The following E2F8 variants were observed in gnomAD, a reference collection of about 807,000 sequenced individuals.
E2F8 encodes the protein transcription factor E2F8.
Under a neutral mutation model 80.8 loss-of-function variants are expected in E2F8, and 35 were observed. That is an observed-to-expected ratio of 0.43 (90% CI 0.33 to 0.57). E2F8 has a LOEUF of 0.57. E2F8 is among the 20% of genes least tolerant of loss of function. The probability of loss-of-function intolerance (pLI) is 0.04; values close to 1 mark genes in which losing one functional copy is unlikely to be tolerated. For synonymous variants in E2F8, 386 were observed against 395.0 expected, an observed-to-expected ratio of 0.98 and a Z score of 0.27; for missense variants, 975 against 1,056.2, an observed-to-expected ratio of 0.92 and a Z score of 1.07.
chr11:19,235,097 A>G (rs1001936016), intron 4 of E2F8, 39 bp from the exon 5 acceptor site: 1 of 1,535,740 alleles, frequency 6.5e-7, no homozygotes, highest in Non-Finnish European at 8.8e-7. Context: ...AGATTTTTGT[A>G]ACGTGTTTAG....
At chr11:19,236,654 C>A (rs1405306216) in intron 4 of E2F8, among the ~76,000 whole-genome samples, 4 of 152,182 alleles carry the variant, frequency 2.6e-5, no homozygotes, top group African/African-American at 9.7e-5. Flanking sequence ...ATTAGAAGGG[C>A]AACTTTTCTT....
chr11:19,229,844 G>A lies in E2F8; in HGVS notation c.1503C>T (p.Pro501=). ...IQPLGMVPLI[P]SPLSSAVPLI... ...GGGGCACTGCTGATGACAAGGGGCT[G>A]GGGATCAGGGGAACCATTCCCAGGG... Residue 501 remains proline, a synonymous_variant, in exon 10 of 13, where the codon CCC becomes CCT. Coordinates refer to ENST00000250024, the MANE Select transcript of E2F8 (RefSeq NM_024680.4). The surrounding 1 kb of genome is among the most constrained non-coding windows in gnomAD (Gnocchi z 4.3). The A allele has an allele frequency of 1.9e-6, 3 of 1,613,986 alleles. No homozygotes were observed. The highest frequency in any genetic ancestry group is 2.2e-5 in the East Asian group (1 of 44,878).
At chr11:19,237,239 C>T (rs374507399) in intron 4 of E2F8, 75 bp downstream of exon 4, 19 of 1,391,264 alleles carry the variant, frequency 1.4e-5, no homozygotes, top group South Asian at 8.4e-5. Context: ...GCTAGATGAG[C>T]GGGGGTCTGA....
rs1554970934 is a variant in E2F8, at chr11:19,224,497, GTA to G, written c.*159_*160del. On this transcript the variant is annotated 3_prime_UTR_variant, in exon 13 of 13. Transcript: ENST00000250024. The stretch of plus-strand genomic sequence containing the variant: ...TGTGTGTGTGTGTGTGTGTGTGTGT[GTA>G]TATATATATATGTATGAAAACAACT... 274 of 398,904 alleles carry G rather than the reference GTA, an allele frequency of 6.9e-4. No homozygotes were observed. Among genetic ancestry groups the G allele is most frequent in the Middle Eastern group, 1.4e-3 (2 of 1,466 alleles). The allele number at this position is 398,904 out of a possible 1,614,324, so 24.7% of individuals were successfully genotyped here.
intron 12 of E2F8, 98 bp from the exon 13 acceptor site, chr11:19,224,938 A>G: frequency 2.2e-6 from 3 of 1,393,736 alleles, no homozygotes; most frequent in Non-Finnish European, 1.9e-6. Context: ...TGTATTGCAC[A>G]TTGGGAAACT....
intron 6 of E2F8, among the ~76,000 whole-genome samples, chr11:19,232,860 C>T (rs1851416983): frequency 6.6e-6 from 1 of 152,180 alleles, no homozygotes; most frequent in Non-Finnish European, 1.5e-5. Context: ...TTAATACTGT[C>T]TATGTAACAT....
chr11:19,225,136 A>G (rs1251340644), intron 12 of E2F8, 85 bp downstream of exon 12: 11 of 1,514,774 alleles, frequency 7.3e-6, no homozygotes, highest in Non-Finnish European at 8.8e-6. Flanking sequence ...TCCAAAGAGG[A>G]AAAGCAAAAG....
intron 10 of E2F8, among the ~76,000 whole-genome samples, chr11:19,227,874 G>A (rs1009767039): frequency 6.6e-5 from 10 of 152,212 alleles, no homozygotes; most frequent in African/African-American, 2.4e-4. Flanking sequence ...GACTGCTTGA[G>A]CTCAGGAGTT....
intron 4 of E2F8, 146 bp from the exon 5 acceptor site, chr11:19,235,204 G>T: frequency 1.3e-6 from 1 of 757,716 alleles, no homozygotes; most frequent in Non-Finnish European, 2.1e-6. Context: ...CAAATACTGT[G>T]AAGGTGAGAA....
intron 6 of E2F8, among the ~76,000 whole-genome samples, chr11:19,232,598 C>T (rs1271458951): frequency 6.6e-6 from 1 of 151,658 alleles, no homozygotes; most frequent in East Asian, 2.0e-4. Flanking sequence ...GTTGAAATGA[C>T]AATAGCATAC....
In E2F8 at chr11:19,227,239, C is replaced by T. The variant is rs114793039; in HGVS notation, c.1894-1375G>A. Among the ~76,000 whole-genome samples the T allele has an allele frequency of 3.5e-3, 537 of 152,254 alleles. 1 individual carries two copies. The highest frequency in any genetic ancestry group is 0.012 in the African/African-American group (515 of 41,530). On this transcript the variant is annotated intron_variant, in intron 10 of 12. Transcript: ENST00000250024. Reference sequence around the variant, plus strand: ...AATCCACAAAGCTAAAAGTATACTACAAGCTTTTAATTTTGTTTCTTAAGT... The same window carrying T: ...AATCCACAAAGCTAAAAGTATACTATAAGCTTTTAATTTTGTTTCTTAAGT...
intron 7 of E2F8, among the ~76,000 whole-genome samples, chr11:19,231,191 T>G (rs1285320945): frequency 6.6e-6 from 1 of 152,100 alleles, no homozygotes; most frequent in African/African-American, 2.4e-5. Flanking sequence ...CTCCATGAGG[T>G]AACTGTTCCT....
intron 12 of E2F8, 104 bp downstream of exon 12, chr11:19,225,117 C>T (rs1851196688): frequency 2.0e-6 from 3 of 1,481,028 alleles, no homozygotes; most frequent in Non-Finnish European, 2.7e-6. Context: ...CTTTCCCATC[C>T]TTTCCCTCTC....
In E2F8 at chr11:19,234,300, C is replaced by T. The variant is rs185583335; in HGVS notation, c.928+60G>A. ...GTTTCCTAATTTGGAAATGAGTTTA[C>T]GACTGAGATTTTATTGTTTAAGAAT... On this transcript the variant is annotated intron_variant, in intron 6 of 12. Transcript: ENST00000250024. 74 of 1,576,976 alleles carry T rather than the reference C, an allele frequency of 4.7e-5. No individual in the cohort carries two copies. In the African/African-American group the frequency reaches 6.3e-4, roughly 13 times the overall value.
At chr11:19,234,313 A>G (rs748379208) in intron 6 of E2F8, 47 bp downstream of exon 6, 1 of 1,595,578 alleles carries the variant, frequency 6.3e-7, no homozygotes, top group East Asian at 2.2e-5. Context: ...CTGAGATTTT[A>G]TTGTTTAAGA....
rs1176512174 is a variant in E2F8 at position 19,229,322 on chromosome 11, G to C, written c.1893+132C>G. 1 of 1,276,576 alleles carries C rather than the reference G, an allele frequency of 7.8e-7. No homozygotes were observed. The highest frequency in any genetic ancestry group is 1.1e-6 in the Non-Finnish European group (1 of 924,312). The allele number at this position is 1,276,576 out of a possible 1,614,324, so 79.1% of individuals were successfully genotyped here. On this transcript the variant is annotated intron_variant, in intron 10 of 12. Coordinates refer to ENST00000250024, the MANE Select transcript of E2F8 (RefSeq NM_024680.4). This position sits in a 1 kb window ranked among gnomAD's most constrained non-coding sequence, Gnocchi z 4.3. Reference sequence around the variant, plus strand: ...GATTAGCTGTTGAGGGCCTCACTTGGATTATGGGATGCTAAGGAACAGTTC... The same window carrying C: ...GATTAGCTGTTGAGGGCCTCACTTGCATTATGGGATGCTAAGGAACAGTTC...
intron 4 of E2F8, 108 bp from the exon 5 acceptor site, chr11:19,235,166 TTTCCTAACTGTAAGTGAA>T: frequency 1.0e-6 from 1 of 1,000,496 alleles, no homozygotes; most frequent in Non-Finnish European, 1.4e-6. Flanking sequence ...ATAATATCAC[TTTCCTAACTGTAAGTGAA>T]CATACTCAAC....
intron 6 of E2F8, among the ~76,000 whole-genome samples, 158 bp from the exon 7 acceptor site, chr11:19,232,529 T>G (rs1449795833): frequency 6.6e-6 from 1 of 152,210 alleles, no homozygotes; most frequent in Non-Finnish European, 1.5e-5. Context: ...TGATACAACT[T>G]TAATTAAGAT....
intron 10 of E2F8, among the ~76,000 whole-genome samples, chr11:19,228,958 T>C (rs1279443930): frequency 2.0e-5 from 3 of 152,252 alleles, no homozygotes; most frequent in Admixed American, 2.0e-4. Context: ...GTTTGATTTT[T>C]CTATTTACAT....
Sources: allele counts gnomAD v4.1 joint callset (sites outside exome capture counted in the v4.1 genomes callset), GRCh38; gene constraint gnomAD v4.1.1; non-coding constraint Gnocchi (gnomAD v3.1); transcripts MANE v1.5; gene names NCBI Gene and HGNC (gene_info 2026-07-23, HGNC 2026-07-21).